SPAG9: variants seen among roughly 807,000 people sequenced by gnomAD.
SPAG9 encodes the protein sperm associated antigen 9, also known as C-Jun-amino-terminal kinase-interacting protein 4.
In SPAG9, 35 loss-of-function variants were observed where a neutral mutation model predicts 166.5. The ratio of observed to expected loss-of-function variants is 0.21; its 90% confidence interval spans 0.16 to 0.28. The LOEUF (loss-of-function observed/expected upper bound fraction) is 0.28. SPAG9 is among the 10% of genes least tolerant of loss of function. The pLI is 1.00. For synonymous variants in SPAG9, 534 were observed against 565.5 expected (o/e 0.94, Z 0.79); for missense variants, 1,235 against 1,603.3 (o/e 0.77, Z 3.92).
intron 23 of SPAG9, 99 bp from the exon 24 acceptor site, chr17:50,985,089 G>A (rs2143764828): frequency 1.0e-6 from 1 of 959,046 alleles, no homozygotes. Flanking sequence ...GGGCCAATCT[G>A]TGATGAGTTA....
At chr17:51,074,122 G>A (rs60920141) in intron 2 of SPAG9, among the ~76,000 whole-genome samples, 16,532 of 152,224 alleles carry the variant, frequency 0.11, 1,187 homozygotes, top group Non-Finnish European at 0.16. Context: ...TGTAGTCCCA[G>A]CTACTCGGGA....
intron 1 of SPAG9, among the ~76,000 whole-genome samples, chr17:51,119,428 G>A (rs773884715): frequency 6.6e-6 from 1 of 152,122 alleles, no homozygotes; most frequent in Non-Finnish European, 1.5e-5. Flanking sequence ...GCCAACGCAG[G>A]CTGAAAGCTA....
chr17:50,979,579 G>A (rs895122809), intron 26 of SPAG9, among the ~76,000 whole-genome samples, 167 bp downstream of exon 26: 6 of 150,854 alleles, frequency 4.0e-5, no homozygotes, highest in Non-Finnish European at 5.9e-5. Flanking sequence ...TGAGAGGATC[G>A]CTTGAGCCCA....
chr17:51,053,854 A>AAATAT lies in SPAG9; in HGVS notation c.495+2557_495+2558insATATT, dbSNP rs1491529465. Among the ~76,000 whole-genome samples, 85 of 34,428 alleles carry AAATAT rather than the reference A, an allele frequency of 2.5e-3. 3 individuals are homozygous for AAATAT. The highest frequency in any genetic ancestry group is 3.2e-3 in the Non-Finnish European group (70 of 21,690). The allele number at this position is 34,428 out of a possible 152,430, so 22.6% of individuals were successfully genotyped here. ...CCCTAATTAAAAAAAAAAAAAAAAA[A>AAATAT]GTATATATATATATATATATATATA... On this transcript the variant is annotated intron_variant, in intron 3 of 29. Coordinates refer to ENST00000262013, the MANE Select transcript of SPAG9 (RefSeq NM_001130528.3).
chr17:50,990,072 G>A, intron 20 of SPAG9, 200 bp from the exon 21 acceptor site: 1 of 601,654 alleles, frequency 1.7e-6, no homozygotes, highest in Non-Finnish European at 2.9e-6. Context: ...CTGTTGCCCA[G>A]GCTGGAGTGC....
At chr17:51,061,848 A>G (rs1034569012) in intron 2 of SPAG9, among the ~76,000 whole-genome samples, 4 of 152,052 alleles carry the variant, frequency 2.6e-5, no homozygotes, top group Admixed American at 2.0e-4. Flanking sequence ...TTTCTAACCC[A>G]TCAGGGTTAC....
intron 4 of SPAG9, among the ~76,000 whole-genome samples, chr17:51,045,228 C>CAG (rs1477084980): frequency 6.6e-6 from 1 of 152,140 alleles, no homozygotes; most frequent in Non-Finnish European, 1.5e-5. Context: ...CAGCTCACGG[C>CAG]ACTGCCCTCT....
intron 5 of SPAG9, among the ~76,000 whole-genome samples, chr17:51,040,009 TG>T (rs2046770075): frequency 6.6e-6 from 1 of 151,442 alleles, no homozygotes; most frequent in South Asian, 2.1e-4. Context: ...CTGAGGCGGG[TG>T]GATCACCTGA....
intron 1 of SPAG9, among the ~76,000 whole-genome samples, chr17:51,092,100 T>C (rs1177171104): frequency 6.6e-6 from 1 of 152,010 alleles, no homozygotes; most frequent in Non-Finnish European, 1.5e-5. Flanking sequence ...CTATAGTACT[T>C]GTCTAAAAAA....
At chr17:51,015,961 A>G (rs1030064656) in intron 8 of SPAG9, among the ~76,000 whole-genome samples, 3 of 152,124 alleles carry the variant, frequency 2.0e-5, no homozygotes. Flanking sequence ...CAAAAAAGAC[A>G]CCTACACCAA....
chr17:51,027,233 A>T (rs1280835047), intron 6 of SPAG9, among the ~76,000 whole-genome samples: 13 of 151,996 alleles, frequency 8.6e-5, no homozygotes, highest in Non-Finnish European at 2.9e-5. Context: ...GAAGTTTGAG[A>T]CCAGCCTGGC....
At chr17:51,103,584 T>A (rs1598187382) in intron 1 of SPAG9, among the ~76,000 whole-genome samples, 2 of 152,156 alleles carry the variant, frequency 1.3e-5, no homozygotes, top group Admixed American at 6.6e-5. Context: ...GGCAGCCAGA[T>A]CACAAGGTCT....
chr17:51,043,044 C>G (rs1193123455), intron 4 of SPAG9, among the ~76,000 whole-genome samples: 1 of 152,168 alleles, frequency 6.6e-6, no homozygotes, highest in African/African-American at 2.4e-5. Flanking sequence ...GCATTACCAC[C>G]ACGTCTGGCT....
Position 51,047,366 on chromosome 17 carries a change from A to G in SPAG9, c.590+9T>C. The G allele has an allele frequency of 6.8e-7, 1 of 1,469,608 alleles. No homozygotes were observed. Among genetic ancestry groups the G allele is most frequent in the Non-Finnish European group, 9.3e-7 (1 of 1,072,504 alleles). The allele number at this position is 1,469,608 out of a possible 1,614,324, so 91.0% of individuals were successfully genotyped here. On this transcript the variant is annotated intron_variant, in intron 4 of 29. Transcript: ENST00000262013. Reference sequence around the variant, plus strand: ...TTTTTCTCAAGGCAAAATATATAACAAAGCTTACCTAATTCTACTATGAGC... The same window carrying G: ...TTTTTCTCAAGGCAAAATATATAACGAAGCTTACCTAATTCTACTATGAGC...
intron 6 of SPAG9, among the ~76,000 whole-genome samples, chr17:51,028,432 T>C (rs540540922): frequency 6.6e-6 from 1 of 152,342 alleles, no homozygotes; most frequent in South Asian, 2.1e-4. Context: ...TATAGAGGTA[T>C]ACCATTTTAA....
At chr17:51,011,813 T>C (rs958745135) in intron 9 of SPAG9, among the ~76,000 whole-genome samples, 7 of 152,234 alleles carry the variant, frequency 4.6e-5, no homozygotes, top group African/African-American at 1.7e-4. Flanking sequence ...ATGGAAAAGA[T>C]AGTTTGTAGT....
In SPAG9 at chr17:50,998,549, T is replaced by C; in HGVS notation, c.1733A>G (p.Tyr578Cys). 6.2e-7 allele frequency: 1 copy of C among 1,614,192 alleles called. No individual in the cohort carries two copies. The highest frequency in any genetic ancestry group is 8.5e-7 in the Non-Finnish European group (1 of 1,180,018). The change falls in exon 15 of 30, where the codon TAC becomes TGC. Residue 578 changes from tyrosine (Y) to cysteine (C), a missense_variant. By Grantham distance (194) the Tyr-to-Cys change is radical. Transcript: ENST00000262013. Reference sequence around the variant, plus strand: ...AGTAACATGAGACGTGGGTGCATTGTACTTCAGATTAACAGGTGGTTCAGG... The same window carrying C: ...AGTAACATGAGACGTGGGTGCATTGCACTTCAGATTAACAGGTGGTTCAGG... ...KKPEPPVNLK[Y>C]NAPTSHVTPS... is the part of the protein sequence containing the mutation.
At chr17:51,021,046 C>T (rs2045919508) in intron 7 of SPAG9, 112 bp downstream of exon 7, 1 of 874,710 alleles carries the variant, frequency 1.1e-6, no homozygotes, top group Admixed American at 2.0e-5. Context: ...CTATATCTGC[C>T]TATTTTATAA....
intron 1 of SPAG9, among the ~76,000 whole-genome samples, chr17:51,092,954 T>C (rs779386973): frequency 3.3e-5 from 5 of 151,326 alleles, no homozygotes; most frequent in Non-Finnish European, 5.9e-5. Flanking sequence ...AATTTTTTTT[T>C]CTAAAGAAAA....
Sources: allele counts gnomAD v4.1 joint callset (sites outside exome capture counted in the v4.1 genomes callset), GRCh38; gene constraint gnomAD v4.1.1; transcripts MANE v1.5; gene names NCBI Gene and HGNC (gene_info 2026-07-23, HGNC 2026-07-21).